Variants in LIMS2 observed in about 807,000 individuals in gnomAD.
LIMS2 encodes LIM zinc finger domain containing 2.
In LIMS2, 30 loss-of-function variants were observed where a neutral mutation model predicts 45.3. That is an observed-to-expected ratio of 0.66 (90% confidence interval 0.50 to 0.90). The LOEUF (loss-of-function observed/expected upper bound fraction) is 0.90. Ranked by LOEUF, LIMS2 falls within the 40% of genes least tolerant of loss-of-function variation. The pLI is 0.00. For synonymous variants in LIMS2, 173 were observed against 188.0 expected (o/e 0.92, Z 0.65); for missense variants, 485 against 468.7 (o/e 1.03, Z -0.32).
chr2:127,665,311 C>T (rs1348624548), intron 1 of LIMS2, among the ~76,000 whole-genome samples: 3 of 152,280 alleles, frequency 2.0e-5, no homozygotes, highest in African/African-American at 7.2e-5. Context: ...CAAGAGCTGG[C>T]AGCCGTCACT....
In LIMS2 at chr2:127,667,053, CA is replaced by C. The variant is rs1685039507; in HGVS notation, c.11+7960del. On this transcript the variant is annotated intron_variant, in intron 1 of 9. Transcript: ENST00000355119. This position sits in a 1 kb window ranked among gnomAD's most constrained non-coding sequence, Gnocchi z 4.1. Reference sequence around the variant, plus strand: ...GAGACAGTAACCAAAAAACTTGTCACAAAGTAAAGCCAGAGCGACATGGCTT... The same window carrying C: ...GAGACAGTAACCAAAAAACTTGTCACAAGTAAAGCCAGAGCGACATGGCTT... Among the ~76,000 whole-genome samples the C allele has an allele frequency of 6.6e-6, 1 of 152,200 alleles. No homozygotes were observed. Among genetic ancestry groups the C allele is most frequent in the African/African-American group, 2.4e-5 (1 of 41,454 alleles).
At position 127,664,494 on chromosome 2, in the gene LIMS2, C is replaced by T; in HGVS notation, c.12-6932G>A. ...GGCCGCCTGGGGCCAGACACCAAGA[C>T]GGGACGGGCGTGTGGGCGCCTCCCC... On this transcript the variant is annotated intron_variant, in intron 1 of 9. Transcript: ENST00000355119. The surrounding 1 kb of genome is among the most constrained non-coding windows in gnomAD (Gnocchi z 5.5). The T allele has an allele frequency of 8.6e-7, 1 of 1,163,542 alleles. No individual in the cohort carries two copies. The allele number at this position is 1,163,542 out of a possible 1,614,324, so 72.1% of individuals were successfully genotyped here. A position where few individuals can be genotyped will look rare whatever the true frequency, so the allele number is the denominator to read the frequency against.
In LIMS2 at chr2:127,674,669, C is replaced by T. The variant is rs1183385249; in HGVS notation, c.11+345G>A. ...GGGCTCGGGGAAGTTGGGGGAGGCA[C>T]GCAACCTTTGAACCTTTTGCCCGTG... On this transcript the variant is annotated intron_variant, in intron 1 of 9. Coordinates refer to ENST00000355119, the MANE Select transcript of LIMS2 (RefSeq NM_001161403.3). 3.7e-6 allele frequency: 3 copies of T among 820,892 alleles called. No individual in the cohort carries two copies. In the African/African-American group the frequency reaches 5.7e-5, roughly 16 times the overall value. 50.9% of individuals were successfully genotyped at this position (820,892 alleles called of 1,614,324 possible). A position where few individuals can be genotyped will look rare whatever the true frequency, so the allele number is the denominator to read the frequency against.
chr2:127,641,089 C>A, intron 6 of LIMS2, 101 bp from the exon 7 acceptor site: 2 of 868,468 alleles, frequency 2.3e-6, no homozygotes, highest in Non-Finnish European at 3.8e-6. Flanking sequence ...GAGCCAGTGA[C>A]TCCAGGGGAC....
At chr2:127,650,671 C>A in intron 4 of LIMS2, 1 of 1,355,072 alleles carries the variant, frequency 7.4e-7, no homozygotes, top group Non-Finnish European at 1.0e-6. Context: ...CGTGAAGCTG[C>A]CTAGATCGCA....
chr2:127,676,441 C>T (rs1447740190), upstream of LIMS2, among the ~76,000 whole-genome samples: 3 of 104,638 alleles, frequency 2.9e-5, no homozygotes, highest in South Asian at 3.4e-4. Context: ...GACGGAGTTT[C>T]GCTCTTATTG....
At chr2:127,649,577 A>C (rs1218276270) in intron 4 of LIMS2, among the ~76,000 whole-genome samples, 2 of 152,214 alleles carry the variant, frequency 1.3e-5, no homozygotes, top group African/African-American at 4.8e-5. Context: ...CTCTGGCCCC[A>C]CCGCCTGCCC....
At chr2:127,650,748 G>A (rs1683663074) in intron 4 of LIMS2, 2 of 1,612,148 alleles carry the variant, frequency 1.2e-6, no homozygotes, top group African/African-American at 1.3e-5. Flanking sequence ...GAATGGCCTT[G>A]AAGTGGCTCC....
intron 3 of LIMS2, 60 bp downstream of exon 3, chr2:127,654,770 C>T: frequency 6.4e-7 from 1 of 1,573,432 alleles, no homozygotes; most frequent in Non-Finnish European, 8.7e-7. Flanking sequence ...GGCCCCCTGC[C>T]CCCCGCCACT....
At chr2:127,648,066 C>T in intron 4 of LIMS2, 2 of 985,772 alleles carry the variant, frequency 2.0e-6, no homozygotes, top group Non-Finnish European at 2.4e-6. Flanking sequence ...AGCTCTCCGC[C>T]CTCACCGTGG....
chr2:127,650,819 A>G (rs1331920792), intron 4 of LIMS2: 3 of 1,613,702 alleles, frequency 1.9e-6, no homozygotes, highest in African/African-American at 1.3e-5. Flanking sequence ...AGGAGACGCC[A>G]CTGGAGAACA....
In LIMS2 at chr2:127,642,110, G is replaced by T; in HGVS notation, c.599C>A (p.Ala200Asp). ...TCGGCCCTCGATGGGCCGGCGGCAG[G>T]CCCCGCAGATGGGGACGCCCATCTT... Reference protein sequence around the residue: ...HDKMGVPICGACRRPIEGRVV... With the variant: ...HDKMGVPICGDCRRPIEGRVV... The change falls in exon 6 of 10, where the codon GCC becomes GAC. Residue 200 changes from alanine (A) to aspartate (D), a missense_variant. Ala to Asp is a moderately radical substitution (Grantham distance 126). Coordinates refer to ENST00000355119, the MANE Select transcript of LIMS2 (RefSeq NM_001161403.3). This position sits in a 1 kb window ranked among gnomAD's most constrained non-coding sequence, Gnocchi z 5.3. 1 of 1,608,686 alleles carries T rather than the reference G, an allele frequency of 6.2e-7. No homozygotes were observed.
rs2105207784 is a variant in LIMS2, at chr2:127,642,894, A to G, written c.509+29T>C. The G allele has an allele frequency of 1.3e-6, 2 of 1,547,424 alleles. No homozygotes were observed. Among genetic ancestry groups the G allele is most frequent in the South Asian group, 1.2e-5 (1 of 84,042 alleles). ...GGGCCAGCCCTGGCTCCCCGCCCCC[A>G]CAACTGCAGGGCCGGGCTGCGCACC... On this transcript the variant is annotated intron_variant, in intron 5 of 9. Transcript: ENST00000355119. This position sits in a 1 kb window ranked among gnomAD's most constrained non-coding sequence, Gnocchi z 5.3.
chr2:127,657,892 C>A (rs1420691058), intron 1 of LIMS2, among the ~76,000 whole-genome samples: 1 of 152,198 alleles, frequency 6.6e-6, no homozygotes, highest in African/African-American at 2.4e-5. Flanking sequence ...ACTGCAGCTA[C>A]TATTATTATG....
intron 9 of LIMS2, 85 bp from the exon 10 acceptor site, chr2:127,639,513 G>GC (rs1304168338): frequency 6.6e-7 from 1 of 1,526,580 alleles, no homozygotes; most frequent in African/African-American, 1.4e-5. Flanking sequence ...GCTTCCCTCA[G>GC]CCCCCAGCCT....
chr2:127,650,684 C>T, intron 4 of LIMS2: 3 of 1,492,976 alleles, frequency 2.0e-6, no homozygotes, highest in Non-Finnish European at 2.8e-6. Flanking sequence ...AGATCGCAAG[C>T]TCATTGTGAA....
chr2:127,641,938 G>A, intron 6 of LIMS2, 111 bp downstream of exon 6: 1 of 1,301,636 alleles, frequency 7.7e-7, no homozygotes, highest in Non-Finnish European at 1.0e-6. Flanking sequence ...CTCGTTGGGA[G>A]CCAGCCACCC....
At chr2:127,670,480 G>A (rs1349262804) in intron 1 of LIMS2, among the ~76,000 whole-genome samples, 1 of 152,124 alleles carries the variant, frequency 6.6e-6, no homozygotes, top group Non-Finnish European at 1.5e-5. Context: ...GGGAGGAGGG[G>A]GAAATGAGGA....
chr2:127,647,346 C>T lies in LIMS2; in HGVS notation c.360-4274G>A, dbSNP rs895313055. ...CTTCCAGGGAGTGAGACCGTTTCCC[C>T]GGTCTCACTTCCAGCTCCAGGGCCA... On this transcript the variant is annotated intron_variant, in intron 4 of 9. Coordinates refer to ENST00000355119, the MANE Select transcript of LIMS2 (RefSeq NM_001161403.3). The surrounding 1 kb of genome is among the most constrained non-coding windows in gnomAD (Gnocchi z 4.3). Among the ~76,000 whole-genome samples, 6 of 152,150 alleles carry T rather than the reference C, an allele frequency of 3.9e-5. No homozygotes were observed. The highest frequency in any genetic ancestry group is 5.9e-5 in the Non-Finnish European group (4 of 68,002).
Sources: gnomAD v4.1 joint callset for allele counts (sites outside exome capture counted in the v4.1 genomes callset) on GRCh38, gnomAD v4.1.1 for gene constraint, Gnocchi (gnomAD v3.1) non-coding constraint, MANE v1.5 for transcripts, NCBI Gene and HGNC (gene_info 2026-07-23, HGNC 2026-07-21) for gene names.